The following RBBP5 variants were observed in gnomAD, a reference collection of about 807,000 sequenced individuals.
RBBP5 encodes the protein RB binding protein 5, histone lysine methyltransferase complex subunit, also known as retinoblastoma-binding protein 5.
A neutral mutation model predicts 72.2 loss-of-function variants in RBBP5; 5 were observed. That is an observed-to-expected ratio of 0.07 (90% confidence interval 0.04 to 0.15). RBBP5 has a LOEUF of 0.15. Ranked by LOEUF, RBBP5 falls within the 10% of genes least tolerant of loss-of-function variation. The pLI is 1.00. For synonymous variants in RBBP5, 209 were observed against 237.2 expected (o/e 0.88, Z 1.09); for missense variants, 322 against 652.2 (o/e 0.49, Z 5.51).
chr1:205,098,753 G>C (rs1415964074), intron 10 of RBBP5, among the ~76,000 whole-genome samples: 1 of 150,906 alleles, frequency 6.6e-6, no homozygotes, highest in African/African-American at 2.4e-5. Flanking sequence ...GCTGAGGCAG[G>C]AGAATCACTT....
At chr1:205,104,914 G>T in intron 4 of RBBP5, 114 bp downstream of exon 4, 2 of 1,175,794 alleles carry the variant, frequency 1.7e-6, no homozygotes, top group Non-Finnish European at 1.2e-6. Context: ...TATGTAGAAG[G>T]TTTGAAGAGA....
chr1:205,098,698 C>A (rs1051289357), intron 10 of RBBP5, among the ~76,000 whole-genome samples: 25 of 151,734 alleles, frequency 1.6e-4, no homozygotes, highest in African/African-American at 5.6e-4. Flanking sequence ...ACAAAAAATT[C>A]GCTGGGAGTG....
intron 3 of RBBP5, among the ~76,000 whole-genome samples, chr1:205,105,936 A>C (rs1428921060): frequency 2.0e-5 from 3 of 152,246 alleles, no homozygotes; most frequent in Non-Finnish European, 2.9e-5. Context: ...GCCAGGTTGA[A>C]GCAGATAGCC....
Position 205,088,077 on chromosome 1 carries a change from T to G in RBBP5, c.*710A>C, listed in dbSNP as rs528194084. On this transcript the variant is annotated 3_prime_UTR_variant, in exon 14 of 14. Transcript: ENST00000264515. ...CTGGAGATGGATAAAACTAGCTATC[T>G]TCAAAAACCATGATTGATGACAATG... is the stretch of plus-strand genomic sequence containing the variant. The G allele has an allele frequency of 2.6e-5, 4 of 152,184 alleles. No individual in the cohort carries two copies. Among genetic ancestry groups the G allele is most frequent in the African/African-American group, 4.8e-5 (2 of 41,432 alleles). 9.4% of individuals were successfully genotyped at this position (152,184 alleles called of 1,614,324 possible). A position where few individuals can be genotyped will look rare whatever the true frequency, so the allele number is the denominator to read the frequency against.
chr1:205,116,427 C>A, intron 1 of RBBP5: 1 of 215,070 alleles, frequency 4.6e-6, no homozygotes, highest in South Asian at 5.6e-5. Flanking sequence ...GATCCTGATA[C>A]TAAAAAGTTT....
At chr1:205,110,113 C>T (rs1397007005) in intron 3 of RBBP5, among the ~76,000 whole-genome samples, 2 of 151,880 alleles carry the variant, frequency 1.3e-5, no homozygotes, top group Admixed American at 1.3e-4. Flanking sequence ...CTCCATATGC[C>T]GGTTCAAGCG....
Position 205,096,281 on chromosome 1 carries a change from T to C in RBBP5, c.1396+401A>G, listed in dbSNP as rs143299236. On this transcript the variant is annotated intron_variant, in intron 12 of 13. Transcript: ENST00000264515. ...GTAAACACACACCCCCATCCATCCC[T>C]ACTTATCCCAAGACATGATAATAAA... Among the ~76,000 whole-genome samples the C allele has an allele frequency of 2.0e-3, 310 of 152,264 alleles. 1 individual carries two copies. The highest frequency in any genetic ancestry group is 0.01 in the Middle Eastern group (3 of 294).
intron 10 of RBBP5, among the ~76,000 whole-genome samples, chr1:205,097,693 C>A (rs980582554): frequency 2.0e-5 from 3 of 152,138 alleles, no homozygotes; most frequent in African/African-American, 4.8e-5. Flanking sequence ...GTAACTTGCT[C>A]AGGATATGGG....
intron 13 of RBBP5, among the ~76,000 whole-genome samples, chr1:205,090,452 AAAAT>A (rs1439748724): frequency 1.3e-5 from 2 of 152,334 alleles, no homozygotes; most frequent in African/African-American, 4.8e-5. Flanking sequence ...CTGAATAGAC[AAAAT>A]AAATAAATAA....
intron 3 of RBBP5, among the ~76,000 whole-genome samples, chr1:205,106,631 C>T (rs1243195159): frequency 1.3e-5 from 2 of 152,088 alleles, no homozygotes; most frequent in Non-Finnish European, 2.9e-5. Context: ...GATCTACAGT[C>T]TCATAATACC....
chr1:205,120,530 C>G (rs940088006), intron 1 of RBBP5, among the ~76,000 whole-genome samples: 2 of 152,142 alleles, frequency 1.3e-5, no homozygotes, highest in Non-Finnish European at 2.9e-5. Context: ...CACTTAAGGC[C>G]GGACACTTTG....
At chr1:205,097,250 AG>A in intron 11 of RBBP5, 75 bp downstream of exon 11, 1 of 1,359,700 alleles carries the variant, frequency 7.4e-7, no homozygotes, top group Non-Finnish European at 1.0e-6. Context: ...AGGGATAGCC[AG>A]GGAAACTGCA....
chr1:205,101,060 C>T (rs1655800405), intron 6 of RBBP5, among the ~76,000 whole-genome samples: 1 of 152,196 alleles, frequency 6.6e-6, no homozygotes, highest in Admixed American at 6.5e-5. Flanking sequence ...TGGCAGGGTT[C>T]CTAACAGGCC....
intron 5 of RBBP5, among the ~76,000 whole-genome samples, chr1:205,102,377 G>A (rs1190686674): frequency 6.6e-6 from 1 of 152,142 alleles, no homozygotes; most frequent in East Asian, 1.9e-4. Context: ...TGAAGCTTGA[G>A]GACATGAAAC....
At chr1:205,098,957 A>G in intron 10 of RBBP5, 32 bp downstream of exon 10, 3 of 1,362,702 alleles carry the variant, frequency 2.2e-6, no homozygotes, top group Non-Finnish European at 3.0e-6. Flanking sequence ...TTTTCCCTTT[A>G]GGAAATCCTG....
At chr1:205,093,509 T>C (rs1318712282) in intron 13 of RBBP5, among the ~76,000 whole-genome samples, 1 of 5,810 alleles carries the variant, frequency 1.7e-4, no homozygotes, top group African/African-American at 5.9e-4. Flanking sequence ...TATATATATA[T>C]ATATATATAT....
chr1:205,112,555 T>C (rs1046325392), intron 3 of RBBP5, among the ~76,000 whole-genome samples: 1 of 152,122 alleles, frequency 6.6e-6, no homozygotes, highest in African/African-American at 2.4e-5. Flanking sequence ...GAGCCTAACA[T>C]AGCACCTGGT....
intron 3 of RBBP5, among the ~76,000 whole-genome samples, chr1:205,110,042 T>G (rs1656245799): frequency 2.0e-5 from 3 of 149,068 alleles, no homozygotes; most frequent in Admixed American, 6.7e-5. Flanking sequence ...GTTTTTTGGG[T>G]TTTTTTTTTC....
rs192208762 is a variant in RBBP5, at chr1:205,087,953, A to G, written c.*834T>C. Reference sequence around the variant, plus strand: ...CTTTACTCCTTGCATAGATTCCCCCACCCCAGTAAAAAAGTAGCTTGTTGA... The same window carrying G: ...CTTTACTCCTTGCATAGATTCCCCCGCCCCAGTAAAAAAGTAGCTTGTTGA... On this transcript the variant is annotated 3_prime_UTR_variant, in exon 14 of 14. Transcript: ENST00000264515. The G allele has an allele frequency of 1.3e-5, 2 of 152,488 alleles. No individual in the cohort carries two copies. Among genetic ancestry groups the G allele is most frequent in the African/African-American group, 4.8e-5 (2 of 41,508 alleles). The allele number at this position is 152,488 out of a possible 1,614,324, so 9.4% of individuals were successfully genotyped here.
Sources: allele counts gnomAD v4.1 joint callset (sites outside exome capture counted in the v4.1 genomes callset), GRCh38; gene constraint gnomAD v4.1.1; transcripts MANE v1.5; gene names NCBI Gene and HGNC (gene_info 2026-07-23, HGNC 2026-07-21).